The following OVGP1 variants were observed in gnomAD, a reference collection of about 807,000 sequenced individuals.
OVGP1 encodes oviduct-specific glycoprotein.
OVGP1 carries 26 observed loss-of-function variants against 48.2 expected under a neutral mutation model. The ratio of observed to expected loss-of-function variants is 0.54; its 90% confidence interval spans 0.40 to 0.75. The LOEUF (loss-of-function observed/expected upper bound fraction) is 0.75, where lower values mean the gene tolerates loss of function less well. Ranked by LOEUF, OVGP1 falls within the 30% of genes least tolerant of loss-of-function variation. The probability of loss-of-function intolerance (pLI) is 0.00; values close to 1 mark genes in which losing one functional copy is unlikely to be tolerated. For synonymous variants in OVGP1, 294 were observed against 305.7 expected (o/e 0.96, Z 0.40); for missense variants, 791 against 820.6 (o/e 0.96, Z 0.44).
In OVGP1 at chr1:111,422,775, C is replaced by T. The variant is rs146994355; in HGVS notation, c.608+152G>A. ...ATAATGGAACTAGCCCTTCTCCCCA[C>T]CCATGCTCCTCAGTCCAGCCCCAAA... On this transcript the variant is annotated intron_variant, in intron 6 of 10. Coordinates refer to ENST00000369732, the MANE Select transcript of OVGP1 (RefSeq NM_002557.4). The T allele has an allele frequency of 1.1e-4, 92 of 811,166 alleles. No homozygotes were observed. The African/African-American group carries it at 1.4e-3, about 13-fold the overall frequency. 50.2% of individuals were successfully genotyped at this position (811,166 alleles called of 1,614,324 possible). A position where few individuals can be genotyped will look rare whatever the true frequency, so the allele number is the denominator to read the frequency against.
chr1:111,418,324 A>G (rs1456021691), intron 9 of OVGP1, among the ~76,000 whole-genome samples: 1 of 152,078 alleles, frequency 6.6e-6, no homozygotes, highest in East Asian at 1.9e-4. Context: ...ACTCCATCCA[A>G]TTGGGTAAAT....
chr1:111,426,434 C>T lies in OVGP1; in HGVS notation c.260+3G>A, dbSNP rs772635856. 1.9e-6 allele frequency: 3 copies of T among 1,614,046 alleles called. No individual in the cohort carries two copies. The highest frequency in any genetic ancestry group is 2.5e-6 in the Non-Finnish European group (3 of 1,179,980). On this transcript the variant is annotated splice_donor_region_variant and intron_variant, in intron 3 of 10. Transcript: ENST00000369732. Reference sequence around the variant, plus strand: ...ACAACCCCCACATCCAATATGAACACACCTCTCCTTTAGTTTGTTGAACTC... The same window carrying T: ...ACAACCCCCACATCCAATATGAACATACCTCTCCTTTAGTTTGTTGAACTC...
intron 8 of OVGP1, among the ~76,000 whole-genome samples, chr1:111,420,390 T>C (rs1209852305): frequency 1.3e-5 from 2 of 152,226 alleles, no homozygotes; most frequent in Non-Finnish European, 2.9e-5. Context: ...GTTTCAACTA[T>C]GCCAGCACTC....
rs1652331608 is a variant in OVGP1, at chr1:111,423,770, G to A, written c.318-62C>T. The A allele has an allele frequency of 3.3e-6, 5 of 1,526,242 alleles. No homozygotes were observed. The African/African-American group carries it at 5.5e-5, about 17-fold the overall frequency. 94.5% of individuals were successfully genotyped at this position (1,526,242 alleles called of 1,614,324 possible). A position where few individuals can be genotyped will look rare whatever the true frequency, so the allele number is the denominator to read the frequency against. On this transcript the variant is annotated intron_variant, in intron 4 of 10. Coordinates refer to ENST00000369732, the MANE Select transcript of OVGP1 (RefSeq NM_002557.4). ...CCACAGAATCACAACCTCCTACAAG[G>A]CCCCTTGCAAGCTTGGTTCCCTGTG...
In OVGP1 at chr1:111,421,336, C is replaced by T. The variant is rs112522071; in HGVS notation, c.843G>A (p.Ala281=). 28 of 1,613,954 alleles carry T rather than the reference C, an allele frequency of 1.7e-5. No homozygotes were observed. The Admixed American group carries it at 2.5e-4, about 14-fold the overall frequency. ...KASKNGLQAR[A]IGPASPGKYT... ...ACTTCCCTGGAGATGCTGGTCCGAT[C>T]GCTCTGGCCTGCAACCCATTCTTAG... The change falls in exon 8 of 11, where the codon GCG becomes GCA. Residue 281 remains alanine, a synonymous_variant. Transcript: ENST00000369732.
rs142763779 is a variant in OVGP1, at chr1:111,414,991, T to C, written c.1510A>G (p.Thr504Ala). ...ACAGAGGTCAGGGTCTTCTGTCCAG[T>C]GGTCACAGATTGATGACCCACAGGG... ...LTPVGHQSVTTGQKTLTSVGY... is the reference protein window; with the variant it reads ...LTPVGHQSVTAGQKTLTSVGY... The change falls in exon 11 of 11, where the codon ACT (threonine) becomes GCT (alanine). Residue 504 changes from threonine to alanine, a missense_variant. Thr to Ala is a moderately conservative substitution (Grantham distance 58, BLOSUM62 0). Coordinates refer to ENST00000369732, the MANE Select transcript of OVGP1 (RefSeq NM_002557.4). 1 of 1,595,962 alleles carries C rather than the reference T, an allele frequency of 6.3e-7. No homozygotes were observed. The highest frequency in any genetic ancestry group is 8.6e-7 in the Non-Finnish European group (1 of 1,169,172).
In OVGP1 at chr1:111,415,219, C is replaced by T. The variant is rs762876451; in HGVS notation, c.1282G>A (p.Gly428Arg). 5 of 1,614,220 alleles carry T rather than the reference C, an allele frequency of 3.1e-6. No individual in the cohort carries two copies. Among genetic ancestry groups the T allele is most frequent in the African/African-American group, 2.7e-5 (2 of 75,048 alleles). ...TTDSKILPPG[G>R]EAGVTEIHGK... is the part of the protein sequence containing the mutation. The stretch of plus-strand genomic sequence containing the variant: ...TGGATCTCAGTGACCCCAGCCTCTC[C>T]TCCTGGGGGCAAAATCTTACTATCA... The change falls in exon 11 of 11, where the codon GGA becomes AGA. Residue 428 changes from glycine to arginine, a missense_variant. Coordinates refer to ENST00000369732, the MANE Select transcript of OVGP1 (RefSeq NM_002557.4).
At chr1:111,420,285 C>T (rs942218814) in intron 8 of OVGP1, among the ~76,000 whole-genome samples, 1 of 152,226 alleles carries the variant, frequency 6.6e-6, no homozygotes, top group African/African-American at 2.4e-5. Context: ...GGTACGCAAG[C>T]TGTGCTGCAG....
intron 1 of OVGP1, 113 bp downstream of exon 1, chr1:111,427,584 A>C (rs958757733): frequency 2.3e-6 from 3 of 1,332,414 alleles, no homozygotes; most frequent in Non-Finnish European, 3.2e-6. Context: ...TCTCTACCTA[A>C]TCTAGGCTTC....
At position 111,414,940 on chromosome 1, in the gene OVGP1, C is replaced by T; in HGVS notation, c.1561G>A (p.Glu521Lys). The change falls in exon 11 of 11, where the codon GAA becomes AAA. Residue 521 changes from glutamate to lysine, a missense_variant. Physicochemically the swap from Glu to Lys is moderately conservative, Grantham distance 56 (BLOSUM62 1). Coordinates refer to ENST00000369732, the MANE Select transcript of OVGP1 (RefSeq NM_002557.4). ...TGACCCACAGGGGTCAGGGTCTTTTCCCCAGGGGTCACAGACTGATAACCC... is the reference window on the plus strand; with the variant it reads ...TGACCCACAGGGGTCAGGGTCTTTTTCCCAGGGGTCACAGACTGATAACCC... Reference protein sequence around the residue: ...SVGYQSVTPGEKTLTPVGHQS... With the variant: ...SVGYQSVTPGKKTLTPVGHQS... 1 of 803,926 alleles carries T rather than the reference C, an allele frequency of 1.2e-6. No homozygotes were observed. Among genetic ancestry groups the T allele is most frequent in the Non-Finnish European group, 1.8e-6 (1 of 549,170 alleles). 49.8% of individuals were successfully genotyped at this position (803,926 alleles called of 1,614,324 possible).
chr1:111,425,243 G>T (rs1485984430), intron 4 of OVGP1, 140 bp downstream of exon 4: 1 of 879,776 alleles, frequency 1.1e-6, no homozygotes, highest in East Asian at 2.7e-5. Context: ...TTGAGTGCAG[G>T]GGTCTAAGAT....
rs747945915 is a variant in OVGP1, at chr1:111,427,086, C to G, written c.31G>C (p.Val11Leu). Residue 11 changes from valine to leucine, a missense_variant, in exon 2 of 11, where the codon GTT becomes CTT. Transcript: ENST00000369732. Reference protein sequence around the residue: MWKLLLWVGLVLVLKHHDGAA... With the variant: MWKLLLWVGLLLVLKHHDGAA... The stretch of plus-strand genomic sequence containing the variant: ...CCATCGTGGTGTTTCAGCACAAGAA[C>G]CAGCCCTGTGAGAAACAAAGGAAGG... 1 of 1,614,044 alleles carries G rather than the reference C, an allele frequency of 6.2e-7. No individual in the cohort carries two copies. Among genetic ancestry groups the G allele is most frequent in the Non-Finnish European group, 8.5e-7 (1 of 1,179,976 alleles).
At position 111,427,091 on chromosome 1, in the gene OVGP1, C is replaced by T; in HGVS notation, c.26G>A (p.Gly9Glu). The change falls in exon 2 of 11, where the codon GGG becomes GAG. Residue 9 changes from glycine to glutamate, a missense_variant and splice_region_variant. Gly to Glu is a moderately conservative substitution (Grantham distance 98, BLOSUM62 -2). Transcript: ENST00000369732. ...GTGGTGTTTCAGCACAAGAACCAGC[C>T]CTGTGAGAAACAAAGGAAGGAGTCA... is the stretch of plus-strand genomic sequence containing the variant. MWKLLLWV[G>E]LVLVLKHHDG... 6.2e-7 allele frequency: 1 copy of T among 1,614,080 alleles called. No homozygotes were observed. Among genetic ancestry groups the T allele is most frequent in the Non-Finnish European group, 8.5e-7 (1 of 1,179,996 alleles).
intron 4 of OVGP1, 63 bp from the exon 5 acceptor site, chr1:111,423,771 C>A: frequency 6.6e-7 from 1 of 1,525,108 alleles, no homozygotes; most frequent in Non-Finnish European, 8.9e-7. Flanking sequence ...TCCTACAAGG[C>A]CCCTTGCAAG....
At position 111,425,418 on chromosome 1, in the gene OVGP1, T is replaced by C. The variant is rs1157474674; in HGVS notation, c.282A>G (p.Leu94=). The C allele has an allele frequency of 6.2e-7, 1 of 1,614,074 alleles. No individual in the cohort carries two copies. The highest frequency in any genetic ancestry group is 1.1e-5 in the South Asian group (1 of 91,080). ...CAAAGTTCCACCCGCCGATGGACAG[T>C]AGTGTTTTCAGCTCTCTGTTCCTAT... is the stretch of plus-strand genomic sequence containing the variant. The part of the protein sequence containing the change: ...LKERNRELKT[L]LSIGGWNFGT... Residue 94 remains leucine, a synonymous_variant, in exon 4 of 11, where the codon CTA becomes CTG. Coordinates refer to ENST00000369732, the MANE Select transcript of OVGP1 (RefSeq NM_002557.4).
intron 8 of OVGP1, among the ~76,000 whole-genome samples, chr1:111,420,514 G>A (rs1652240985): frequency 6.6e-6 from 1 of 152,202 alleles, no homozygotes; most frequent in South Asian, 2.1e-4. Context: ...CTGTCCCTCT[G>A]TACCTGCTGT....
chr1:111,423,618 A>G lies in OVGP1; in HGVS notation c.408T>C (p.Leu136=), dbSNP rs781387792. 1 of 1,614,230 alleles carries G rather than the reference A, an allele frequency of 6.2e-7. No homozygotes were observed. The highest frequency in any genetic ancestry group is 1.7e-5 in the Admixed American group (1 of 60,028). ...SLLRTHDFDG[L]DLFFLYPGLR... ...GTCCAGGATATAAGAAGAAAAGGTC[A>G]AGACCATCAAAGTCATGTGTCCTCA... Residue 136 remains leucine, a synonymous_variant, in exon 5 of 11, where the codon CTT becomes CTC. Coordinates refer to ENST00000369732, the MANE Select transcript of OVGP1 (RefSeq NM_002557.4).
At chr1:111,419,389 C>T (rs1652207243) in intron 9 of OVGP1, among the ~76,000 whole-genome samples, 1 of 152,080 alleles carries the variant, frequency 6.6e-6, no homozygotes. Context: ...CTATTTATTC[C>T]CTCAGAACCT....
chr1:111,420,637 A>G (rs1041787905), intron 8 of OVGP1, among the ~76,000 whole-genome samples: 1 of 152,202 alleles, frequency 6.6e-6, no homozygotes, highest in African/African-American at 2.4e-5. Context: ...AGGTCACTAC[A>G]GCCACACAGT....
Sources: gnomAD v4.1 joint callset for allele counts (sites outside exome capture counted in the v4.1 genomes callset) on GRCh38, gnomAD v4.1.1 for gene constraint, MANE v1.5 for transcripts, NCBI Gene and HGNC (gene_info 2026-07-23, HGNC 2026-07-21) for gene names.